KIAA1549: variants seen among roughly 807,000 people sequenced by gnomAD.
KIAA1549 encodes UPF0606 protein KIAA1549.
Under a neutral mutation model 156.4 loss-of-function variants are expected in KIAA1549, and 70 were observed. The ratio of observed to expected loss-of-function variants is 0.45; its 90% CI spans 0.37 to 0.55. The LOEUF is 0.55. Among genes scored for constraint, KIAA1549 ranks in the 20% least tolerant of loss-of-function variants. The pLI is 0.00. For missense variants in KIAA1549, 2,428 were observed against 2,540.9 expected (o/e 0.96, Z 0.96); for synonymous variants, 1,103 against 1,066.4 (o/e 1.03, Z -0.67).
chr7:138,904,382 A>G (rs1811948105), intron 7 of KIAA1549, among the ~76,000 whole-genome samples: 1 of 152,212 alleles, frequency 6.6e-6, no homozygotes, highest in African/African-American at 2.4e-5. Context: ...ATGCAAAGCG[A>G]TAGGACCTTG....
chr7:138,893,331 C>A (rs1054448567), intron 10 of KIAA1549, among the ~76,000 whole-genome samples: 1 of 151,270 alleles, frequency 6.6e-6, no homozygotes, highest in Non-Finnish European at 1.5e-5. Context: ...TTAAAAAAAT[C>A]GAGAGAACTT....
At chr7:138,898,030 G>A (rs563032575) in intron 9 of KIAA1549, among the ~76,000 whole-genome samples, 2 of 151,622 alleles carry the variant, frequency 1.3e-5, no homozygotes, top group East Asian at 3.9e-4. Context: ...GTGGGGCCGG[G>A]TGCAGTGGCT....
At chr7:138,854,138 T>C (rs941535565) in intron 16 of KIAA1549, among the ~76,000 whole-genome samples, 7 of 152,212 alleles carry the variant, frequency 4.6e-5, no homozygotes, top group African/African-American at 1.7e-4. Context: ...ACATAAAAGT[T>C]TGGGAAACAA....
rs1811769297 is a variant in KIAA1549 at position 138,899,078 on chromosome 7, A to G, written c.3724T>C (p.Phe1242Leu). The change falls in exon 9 of 20, where the codon TTT (phenylalanine) becomes CTT (leucine). Residue 1242 changes from phenylalanine (F) to leucine (L), a missense_variant. Around this residue, in one of 5 missense-constraint regions of KIAA1549, gnomAD observed 762 missense variants for 901.6 expected, o/e 0.85. Transcript: ENST00000422774. ...CTTTCTCCATCTTGATCCTCCACAA[A>G]GTAGATGAGCTGTACCGGATTGTCA... ...GDDNPVQLIY[F>L]VEDQDGERLS... 6.2e-7 allele frequency: 1 copy of G among 1,613,722 alleles called. No individual in the cohort carries two copies.
Position 138,860,810 on chromosome 7 carries a change from G to A in KIAA1549, c.5247+329C>T, listed in dbSNP as rs529976927. On this transcript the variant is annotated intron_variant, in intron 16 of 19. Coordinates refer to ENST00000422774, the MANE Select transcript of KIAA1549 (RefSeq NM_001164665.2). The stretch of plus-strand genomic sequence containing the variant: ...AGACATCAACAAGAATACATTTGAC[G>A]GTTACCCCACCTCCATTCCGTGACA... 3.9e-5 allele frequency among the ~76,000 whole-genome samples: 6 copies of A among 152,188 alleles called. No individual in the cohort carries two copies. The South Asian group carries it at 6.2e-4, about 16-fold the overall frequency.
intron 1 of KIAA1549, among the ~76,000 whole-genome samples, chr7:138,953,278 C>T (rs1813551586): frequency 6.6e-6 from 1 of 152,122 alleles, no homozygotes; most frequent in African/African-American, 2.4e-5. Flanking sequence ...ATCACTTAAA[C>T]CCGGGAGGTG....
rs372100004 is a variant in KIAA1549 at position 138,903,554 on chromosome 7, T to C, written c.3669+34A>G. 23 of 1,604,576 alleles carry C rather than the reference T, an allele frequency of 1.4e-5. No individual in the cohort carries two copies. The African/African-American group carries it at 2.5e-4, about 18-fold the overall frequency. On this transcript the variant is annotated intron_variant, in intron 8 of 19. Transcript: ENST00000422774. ...CACGCAAGCGCTGTCTCTCTCCCTC[T>C]CTCTCCTTCCCCTCCTCCTTTGATG...
In KIAA1549 at chr7:138,957,853, C is replaced by T. The variant is rs115185471; in HGVS notation, c.187+23230G>A. Among the ~76,000 whole-genome samples the T allele has an allele frequency of 1.0e-3, 157 of 152,232 alleles. 4 individuals are homozygous for T. The South Asian group carries it at 0.031, about 30-fold the overall frequency. On this transcript the variant is annotated intron_variant, in intron 1 of 19. Transcript: ENST00000422774. ...CTTGCTGCCACCTCATCTCTACTGT[C>T]CCTTATTCTCTCTTTGTCCACTTCT...
chr7:138,869,068 TG>T (rs1438903128), intron 14 of KIAA1549, among the ~76,000 whole-genome samples: 4 of 152,216 alleles, frequency 2.6e-5, no homozygotes, highest in African/African-American at 9.6e-5. Flanking sequence ...CCCCAGACCC[TG>T]CAGGCAGCTG....
chr7:138,885,287 G>A (rs554057075), intron 10 of KIAA1549, among the ~76,000 whole-genome samples: 2 of 152,062 alleles, frequency 1.3e-5, no homozygotes, highest in Non-Finnish European at 2.9e-5. Flanking sequence ...GTAACAATGC[G>A]GAAGGGGTCC....
chr7:138,955,563 C>G (rs1813638174), intron 1 of KIAA1549, among the ~76,000 whole-genome samples: 1 of 150,520 alleles, frequency 6.6e-6, no homozygotes, highest in Non-Finnish European at 1.5e-5. Context: ...GACGATGGCA[C>G]AGCAGGGTGA....
At chr7:138,858,563 T>G (rs1319554724) in intron 16 of KIAA1549, among the ~76,000 whole-genome samples, 1 of 152,184 alleles carries the variant, frequency 6.6e-6, no homozygotes, top group Non-Finnish European at 1.5e-5. Context: ...TGTGGTTTGT[T>G]AGGTAGAACC....
At chr7:138,903,842 TGTGTGTGTGTGCGCGCGC>T (rs1257060335) in intron 7 of KIAA1549, 106 bp from the exon 8 acceptor site, 13 of 463,590 alleles carry the variant, frequency 2.8e-5, no homozygotes, top group South Asian at 2.5e-4. Context: ...TGTGTGTGTG[TGTGTGTGTGTGCGCGCGC>T]GCGCGCGCGC....
Position 138,834,741 on chromosome 7 carries a change from G to C in KIAA1549, c.*3165C>G, listed in dbSNP as rs1809653610. 4.3e-6 allele frequency: 1 copy of C among 232,704 alleles called. No individual in the cohort carries two copies. The highest frequency in any genetic ancestry group is 8.5e-6 in the Non-Finnish European group (1 of 117,780). 14.4% of individuals were successfully genotyped at this position (232,704 alleles called of 1,614,324 possible). A position where few individuals can be genotyped will look rare whatever the true frequency, so the allele number is the denominator to read the frequency against. On this transcript the variant is annotated 3_prime_UTR_variant, in exon 20 of 20. Coordinates refer to ENST00000422774, the MANE Select transcript of KIAA1549 (RefSeq NM_001164665.2). ...ATGTGTGAACCCATTCACCGCAGTA[G>C]TGCAGCGTTTCACATCACTCATCCT...
Position 138,981,130 on chromosome 7 carries a change from G to A in KIAA1549, c.140C>T (p.Pro47Leu). The A allele has an allele frequency of 8.2e-7, 1 of 1,220,844 alleles. No individual in the cohort carries two copies. The highest frequency in any genetic ancestry group is 1.0e-6 in the Non-Finnish European group (1 of 980,938). The allele number at this position is 1,220,844 out of a possible 1,614,324, so 75.6% of individuals were successfully genotyped here. ...GGCCAGCAGCAGCAGCCAGAGGCCA[G>A]GAAGCAGCAGCCCCGGGCGGCGGCG... ...ARRRRPGLLL[P>L]GLWLLLLARP... The change falls in exon 1 of 20, where the codon CCT becomes CTT. Residue 47 changes from proline (P) to leucine (L), a missense_variant. Coordinates refer to ENST00000422774, the MANE Select transcript of KIAA1549 (RefSeq NM_001164665.2). This position sits in a 1 kb window ranked among gnomAD's most constrained non-coding sequence, Gnocchi z 4.5.
chr7:138,934,303 G>C (rs1001272560), intron 1 of KIAA1549, among the ~76,000 whole-genome samples: 9 of 151,832 alleles, frequency 5.9e-5, no homozygotes, highest in African/African-American at 1.9e-4. Flanking sequence ...ATGGAGGACA[G>C]ACTGAGAGAG....
intron 1 of KIAA1549, among the ~76,000 whole-genome samples, chr7:138,942,373 A>T (rs1011027365): frequency 6.6e-6 from 1 of 151,758 alleles, no homozygotes. Flanking sequence ...TTTAAACAAC[A>T]TGTAAAAGAG....
rs375617481 is a variant in KIAA1549, at chr7:138,956,589, T to A, written c.187+24494A>T. Among the ~76,000 whole-genome samples, 7 of 152,142 alleles carry A rather than the reference T, an allele frequency of 4.6e-5. No homozygotes were observed. In the East Asian group the frequency reaches 1.4e-3, roughly 29 times the overall value. On this transcript the variant is annotated intron_variant, in intron 1 of 19. Transcript: ENST00000422774. ...TAAGGGGAAACCCCTTTCGCTTGGC[T>A]CTCATTCTCTCTTGTCTGCCACCAT...
rs1184783267 is a variant in KIAA1549, at chr7:138,867,987, G to A, written c.4917C>T (p.Tyr1639=). 2 of 1,613,908 alleles carry A rather than the reference G, an allele frequency of 1.2e-6. No homozygotes were observed. Among genetic ancestry groups the A allele is most frequent in the Non-Finnish European group, 1.7e-6 (2 of 1,179,812 alleles). ...CGGTGGCACGCACTGGGCATCCGAT[G>A]TAGGCTGAGTTGTGGACGCCGGGGG... ...RRPPGVHNSA[Y]IGCPSDPDLP... The change falls in exon 15 of 20, where the codon TAC becomes TAT. Residue 1639 remains tyrosine (Y), a synonymous_variant. Coordinates refer to ENST00000422774, the MANE Select transcript of KIAA1549 (RefSeq NM_001164665.2).
Sources: allele counts gnomAD v4.1 joint callset (sites outside exome capture counted in the v4.1 genomes callset), GRCh38; gene constraint gnomAD v4.1.1; regional missense constraint gnomAD v4.1.1; non-coding constraint Gnocchi (gnomAD v3.1); transcripts MANE v1.5; gene names NCBI Gene and HGNC (gene_info 2026-07-23, HGNC 2026-07-21).